The following PTPRD variants were observed in gnomAD, a reference collection of about 807,000 sequenced individuals.
The protein encoded by PTPRD is receptor-type tyrosine-protein phosphatase delta.
In PTPRD, 34 loss-of-function variants were observed where a neutral mutation model predicts 214.5. The ratio of observed to expected loss-of-function variants is 0.16; its 90% CI spans 0.12 to 0.21. PTPRD has a LOEUF of 0.21. Ranked by LOEUF, PTPRD falls within the 10% of genes least tolerant of loss-of-function variation. PTPRD has a pLI of 1.00. For missense variants in PTPRD, 2,545 were observed against 2,398.7 expected (o/e 1.06, Z -1.27); for synonymous variants, 1,128 against 845.7 (o/e 1.33, Z -5.79).
At chr9:9,058,441 G>GGTTTTTTTTTT (rs1569516391) in intron 10 of PTPRD, among the ~76,000 whole-genome samples, 13 of 53,332 alleles carry the variant, frequency 2.4e-4, no homozygotes, top group Non-Finnish European at 3.9e-4. Flanking sequence ...ATATTATGAG[G>GGTTTTTTTTTT]GTTTTTTTTT....
At chr9:8,819,101 T>C (rs1055616038) in intron 11 of PTPRD, among the ~76,000 whole-genome samples, 2 of 152,138 alleles carry the variant, frequency 1.3e-5, no homozygotes, top group African/African-American at 4.8e-5. Context: ...AACATAAAAA[T>C]GTATCCTTAA....
In PTPRD at chr9:8,485,883, A is replaced by G. The variant is rs372234003; in HGVS notation, c.2934T>C (p.Thr978=). The change falls in exon 28 of 46, where the codon ACT becomes ACC. Residue 978 remains threonine (T), a synonymous_variant. Transcript: ENST00000381196. The part of the protein sequence containing the change: ...MEQLIVPADT[T]MTLTGLKPDT... ...CTGGTTTTAAGCCAGTGAGTGTCAT[A>G]GTGGTGTCAGCTGGAACAATAAGCT... 5.0e-5 allele frequency: 81 copies of G among 1,614,050 alleles called. No individual in the cohort carries two copies. The highest frequency in any genetic ancestry group is 9.3e-5 in the African/African-American group (7 of 74,934).
chr9:8,332,509 G>C (rs1334899143), intron 43 of PTPRD, among the ~76,000 whole-genome samples: 2 of 151,522 alleles, frequency 1.3e-5, no homozygotes, highest in Non-Finnish European at 2.9e-5. Context: ...TTAACAGTCT[G>C]TGGAGAGCTT....
rs34926923 is a variant in PTPRD, at chr9:10,103,395, T to TATATGTA, written c.-544-69606_-544-69605insTACATAT. ...CTGCATATTATATATATATATATAT[T>TATATGTA]TATTTAAGAGCATTGCAGTAAGAAA... On this transcript the variant is annotated intron_variant, in intron 3 of 45. Transcript: ENST00000381196. 3.4e-5 allele frequency among the ~76,000 whole-genome samples: 4 copies of TATATGTA among 116,730 alleles called. No individual in the cohort carries two copies. In the South Asian group the frequency reaches 7.8e-4, roughly 23 times the overall value. The allele number at this position is 116,730 out of a possible 152,430, so 76.6% of individuals were successfully genotyped here.
intron 8 of PTPRD, among the ~76,000 whole-genome samples, chr9:9,494,464 A>G (rs1006637151): frequency 2.0e-5 from 3 of 152,228 alleles, no homozygotes; most frequent in African/African-American, 7.2e-5. Flanking sequence ...GTAACCACCA[A>G]GCTGATCAGT....
At chr9:8,365,947 A>AAATT (rs1284322185) in intron 39 of PTPRD, among the ~76,000 whole-genome samples, 1 of 152,170 alleles carries the variant, frequency 6.6e-6, no homozygotes, top group African/African-American at 2.4e-5. Flanking sequence ...GAGAAAAAAC[A>AAATT]AATTACTGTG....
chr9:9,307,791 A>G (rs1595538699), intron 9 of PTPRD, among the ~76,000 whole-genome samples: 7 of 152,306 alleles, frequency 4.6e-5, no homozygotes, highest in Admixed American at 4.6e-4. Flanking sequence ...ATGATCTATC[A>G]TTTGTTAATT....
At chr9:8,845,502 A>T (rs762121811) in intron 11 of PTPRD, among the ~76,000 whole-genome samples, 3 of 152,262 alleles carry the variant, frequency 2.0e-5, no homozygotes, top group Non-Finnish European at 4.4e-5. Flanking sequence ...CAAGCCATCA[A>T]ATATGCCAGC....
intron 5 of PTPRD, among the ~76,000 whole-genome samples, chr9:9,847,623 T>C (rs1437501102): frequency 6.6e-6 from 1 of 152,170 alleles, no homozygotes; most frequent in African/African-American, 2.4e-5. Flanking sequence ...GTTAGCTAAG[T>C]ACTCTCAACC....
At chr9:9,560,593 G>A (rs144880137) in intron 8 of PTPRD, among the ~76,000 whole-genome samples, 2,438 of 152,300 alleles carry the variant, frequency 0.016, 39 homozygotes, top group Admixed American at 0.025. Context: ...GGCTGACCGG[G>A]CAAGCCTCAG....
intron 2 of PTPRD, among the ~76,000 whole-genome samples, chr9:10,415,224 G>A (rs2098475858): frequency 6.6e-6 from 1 of 151,684 alleles, no homozygotes; most frequent in Admixed American, 6.6e-5. Context: ...AAGGGTAATT[G>A]AGATTATATA....
At chr9:10,529,409 G>A (rs575722073) in intron 2 of PTPRD, among the ~76,000 whole-genome samples, 124 of 152,230 alleles carry the variant, frequency 8.1e-4, no homozygotes, top group Admixed American at 1.9e-3. Flanking sequence ...ATGAGTTCAT[G>A]TTTTTTGCAG....
chr9:9,042,338 T>C (rs753241703), intron 10 of PTPRD, among the ~76,000 whole-genome samples: 34 of 152,236 alleles, frequency 2.2e-4, no homozygotes, highest in Middle Eastern at 3.4e-3. Flanking sequence ...CATCTCTAGG[T>C]CAACCACTAT....
intron 43 of PTPRD, among the ~76,000 whole-genome samples, chr9:8,337,869 C>T (rs931301825): frequency 1.4e-5 from 2 of 144,260 alleles, no homozygotes; most frequent in African/African-American, 5.0e-5. Flanking sequence ...TCTGAAAGAG[C>T]ACTATTTTTT....
chr9:10,534,434 A>T (rs962321383), intron 2 of PTPRD, among the ~76,000 whole-genome samples: 18 of 152,086 alleles, frequency 1.2e-4, no homozygotes, highest in Non-Finnish European at 1.9e-4. Flanking sequence ...CTTTAAAATG[A>T]TGATTTTGGT....
chr9:9,254,687 G>T (rs762129706), intron 9 of PTPRD, among the ~76,000 whole-genome samples: 5 of 152,022 alleles, frequency 3.3e-5, no homozygotes, highest in Non-Finnish European at 4.4e-5. Context: ...TGATTTAGGA[G>T]AAATATCAGC....
chr9:8,529,747 G>C (rs1018446708), intron 14 of PTPRD, among the ~76,000 whole-genome samples: 2 of 152,102 alleles, frequency 1.3e-5, no homozygotes, highest in Admixed American at 1.3e-4. Flanking sequence ...AGTTAGATGG[G>C]TGGCAATTAT....
chr9:9,806,447 C>A (rs145294888), intron 5 of PTPRD, among the ~76,000 whole-genome samples: 1 of 152,052 alleles, frequency 6.6e-6, no homozygotes, highest in South Asian at 2.1e-4. Context: ...CATTCCTCCC[C>A]GCTCTTGTGA....
At chr9:10,532,141 AC>A (rs1437145486) in intron 2 of PTPRD, 11 of 152,280 alleles carry the variant, frequency 7.2e-5, no homozygotes, top group African/African-American at 2.4e-4. Flanking sequence ...ATTTTAGATT[AC>A]TTCAGTGCCA....
Sources: allele counts gnomAD v4.1 joint callset (sites outside exome capture counted in the v4.1 genomes callset), GRCh38; gene constraint gnomAD v4.1.1; transcripts MANE v1.5; gene names NCBI Gene and HGNC (gene_info 2026-07-23, HGNC 2026-07-21).